ATP5F1D: variants seen among roughly 807,000 people sequenced by gnomAD.
ATP5F1D encodes ATP synthase F1 subunit delta.
Under a neutral mutation model 13.0 loss-of-function variants are expected in ATP5F1D, and 16 were observed. The ratio of observed to expected loss-of-function variants is 1.23; its 90% CI spans 0.83 to 1.87. ATP5F1D has a LOEUF of 1.87. ATP5F1D is among the 40% of genes most tolerant of loss of function. The pLI, the probability that ATP5F1D is intolerant of heterozygous loss-of-function variation, is 0.00. For synonymous variants in ATP5F1D, 129 were observed against 116.2 expected (o/e 1.11, Z -0.71); for missense variants, 294 against 246.2 (o/e 1.19, Z -1.30).
intron 1 of ATP5F1D, 77 bp downstream of exon 1, chr19:1,242,068 C>A: frequency 7.8e-7 from 1 of 1,283,650 alleles, no homozygotes; most frequent in East Asian, 3.0e-5. Context: ...GGGCGCGACC[C>A]CCGCTTCCGG....
Position 1,244,656 on chromosome 19 carries a change from C to A in ATP5F1D, c.*219C>A. The stretch of plus-strand genomic sequence containing the variant: ...GCTCCTCCTCAGCTTTGAGCTGTGG[C>A]TGCCACCCATGGGGCTCTCCTTCCG... On this transcript the variant is annotated 3_prime_UTR_variant, in exon 4 of 4. Coordinates refer to ENST00000215375, the MANE Select transcript of ATP5F1D (RefSeq NM_001687.5). The A allele has an allele frequency of 1.4e-6, 1 of 689,750 alleles. No individual in the cohort carries two copies. The highest frequency in any genetic ancestry group is 2.3e-6 in the Non-Finnish European group (1 of 429,574). The allele number at this position is 689,750 out of a possible 1,614,324, so 42.7% of individuals were successfully genotyped here. A position where few individuals can be genotyped will look rare whatever the true frequency, so the allele number is the denominator to read the frequency against.
intron 2 of ATP5F1D, 120 bp from the exon 3 acceptor site, chr19:1,243,970 TCAGGACA>T (rs1415374297): frequency 5.1e-6 from 5 of 985,616 alleles, no homozygotes; most frequent in African/African-American, 1.6e-5. Context: ...GTTTGCACAC[TCAGGACA>T]CAGACTTGGA....
Position 1,242,452 on chromosome 19 carries a change from G to T in ATP5F1D, c.142-4G>T. On this transcript the variant is annotated splice_region_variant and splice_polypyrimidine_tract_variant and intron_variant, in intron 1 of 3. Transcript: ENST00000215375. ...GCCATCATTCCCCACGCTGTTGTCT[G>T]CAGGTGTTCTTCAACGGTGCCAACG... 3 of 1,519,848 alleles carry T rather than the reference G, an allele frequency of 2.0e-6. No homozygotes were observed. Among genetic ancestry groups the T allele is most frequent in the Non-Finnish European group, 1.8e-6 (2 of 1,127,924 alleles). 94.1% of individuals were successfully genotyped at this position (1,519,848 alleles called of 1,614,324 possible).
chr19:1,244,305 C>T lies in ATP5F1D; in HGVS notation c.385-10C>T. 1 of 1,591,994 alleles carries T rather than the reference C, an allele frequency of 6.3e-7. No individual in the cohort carries two copies. Among genetic ancestry groups the T allele is most frequent in the Non-Finnish European group, 8.5e-7 (1 of 1,169,794 alleles). On this transcript the variant is annotated splice_polypyrimidine_tract_variant and intron_variant, in intron 3 of 3. Transcript: ENST00000215375. ...CTGCTGGCCCCTCACCGCCCCTCAA[C>T]CCCTTGCAGGCAGCCAAGGCAAACT...
At position 1,244,707 on chromosome 19, in the gene ATP5F1D, G is replaced by T; in HGVS notation, c.*270G>T. 2 of 486,902 alleles carry T rather than the reference G, an allele frequency of 4.1e-6. No homozygotes were observed. Among genetic ancestry groups the T allele is most frequent in the Middle Eastern group, 5.8e-4 (1 of 1,712 alleles). 30.2% of individuals were successfully genotyped at this position (486,902 alleles called of 1,614,324 possible). A position where few individuals can be genotyped will look rare whatever the true frequency, so the allele number is the denominator to read the frequency against. On this transcript the variant is annotated 3_prime_UTR_variant, in exon 4 of 4. Transcript: ENST00000215375. ...CCTCTCAAGATCCCCCCAGCCTGAC[G>T]GGCCGCTTACCATCCCCTCTGCCCT...
In ATP5F1D at chr19:1,244,766, G is replaced by A. The variant is rs1292156877; in HGVS notation, c.*329G>A. The A allele has an allele frequency of 2.0e-5, 6 of 293,310 alleles. No homozygotes were observed. Among genetic ancestry groups the A allele is most frequent in the South Asian group, 4.8e-5 (1 of 20,906 alleles). The allele number at this position is 293,310 out of a possible 1,614,324, so 18.2% of individuals were successfully genotyped here. A position where few individuals can be genotyped will look rare whatever the true frequency, so the allele number is the denominator to read the frequency against. ...AGCCGCCAAGGTTGACCTCAGCTTC[G>A]GAGCCACCTCTGGATGAACTGCCCC... is the stretch of plus-strand genomic sequence containing the variant. On this transcript the variant is annotated 3_prime_UTR_variant, in exon 4 of 4. Transcript: ENST00000215375.
In ATP5F1D at chr19:1,244,327, A is replaced by G. The variant is rs1207515596; in HGVS notation, c.397A>G (p.Asn133Asp). The G allele has an allele frequency of 6.3e-7, 1 of 1,593,652 alleles. No individual in the cohort carries two copies. The highest frequency in any genetic ancestry group is 8.5e-7 in the Non-Finnish European group (1 of 1,170,642). The change falls in exon 4 of 4, where the codon AAC becomes GAC. Residue 133 changes from asparagine (N) to aspartate (D), a missense_variant. Asn to Asp is a conservative substitution (Grantham distance 23, BLOSUM62 1). Transcript: ENST00000215375. ...CAACCCCTTGCAGGCAGCCAAGGCA[A>G]ACTTGGAGAAGGCCCAGGCGGAGCT... ...DMLDLGAAKANLEKAQAELVG... is the reference protein window; with the variant it reads ...DMLDLGAAKADLEKAQAELVG...
rs1043869160 is a variant in ATP5F1D, at chr19:1,241,934, C to T, written c.84C>T (p.Ala28=). The part of the protein sequence containing the change: ...HARAYAEAAA[A]PAAASGPNQM... ...GTGCCTATGCCGAGGCCGCCGCCGCCCCGGCTGCCGCCTCTGGCCCCAACC... is the reference window on the plus strand; with the variant it reads ...GTGCCTATGCCGAGGCCGCCGCCGCTCCGGCTGCCGCCTCTGGCCCCAACC... The change falls in exon 1 of 4, where the codon GCC becomes GCT. Residue 28 remains alanine, a synonymous_variant. Coordinates refer to ENST00000215375, the MANE Select transcript of ATP5F1D (RefSeq NM_001687.5). 2.7e-6 allele frequency: 4 copies of T among 1,497,690 alleles called. No homozygotes were observed. The highest frequency in any genetic ancestry group is 3.6e-6 in the Non-Finnish European group (4 of 1,126,256). The allele number at this position is 1,497,690 out of a possible 1,614,324, so 92.8% of individuals were successfully genotyped here. A position where few individuals can be genotyped will look rare whatever the true frequency, so the allele number is the denominator to read the frequency against.
intron 1 of ATP5F1D, 130 bp downstream of exon 1, chr19:1,242,121 C>T (rs1599959752): frequency 8.5e-7 from 1 of 1,177,296 alleles, no homozygotes; most frequent in East Asian, 3.2e-5. Context: ...CTACTCAGCC[C>T]TGGACCCTCG....
At chr19:1,242,315 G>C (rs1371602692) in intron 1 of ATP5F1D, 141 bp from the exon 2 acceptor site, 21 of 1,083,290 alleles carry the variant, frequency 1.9e-5, no homozygotes, top group Non-Finnish European at 2.6e-5. Flanking sequence ...CTGCAACTTC[G>C]GATCCCTGCG....
chr19:1,242,270 T>G, intron 1 of ATP5F1D, 186 bp from the exon 2 acceptor site: 1 of 810,132 alleles, frequency 1.2e-6, no homozygotes, highest in Non-Finnish European at 1.7e-6. Context: ...ATTTCGCGGA[T>G]CAGTAGAATG....
At position 1,244,149 on chromosome 19, in the gene ATP5F1D, C is replaced by T. The variant is rs200973446; in HGVS notation, c.348C>T (p.Ala116=). 4.5e-5 allele frequency: 73 copies of T among 1,612,332 alleles called. No individual in the cohort carries two copies. The highest frequency in any genetic ancestry group is 2.9e-4 in the East Asian group (13 of 44,818). Residue 116 remains alanine (A), a synonymous_variant, in exon 3 of 4, where the codon GCC becomes GCT. Coordinates refer to ENST00000215375, the MANE Select transcript of ATP5F1D (RefSeq NM_001687.5). Reference sequence around the variant, plus strand: ...CCGACTCTTCGGTGCAGTTGTTGGCCGAAGAGGCCGTGACGCTGGACATGT... The same window carrying T: ...CCGACTCTTCGGTGCAGTTGTTGGCTGAAGAGGCCGTGACGCTGGACATGT... ...VNADSSVQLL[A]EEAVTLDMLD...
chr19:1,243,256 G>A (rs1220087514), intron 2 of ATP5F1D: 1 of 152,384 alleles, frequency 6.6e-6, no homozygotes, highest in Non-Finnish European at 1.5e-5. Flanking sequence ...AGTGGTTCAT[G>A]CCTGTAATCT....
intron 2 of ATP5F1D, 82 bp from the exon 3 acceptor site, chr19:1,244,015 G>T: frequency 7.3e-7 from 1 of 1,361,460 alleles, no homozygotes; most frequent in Non-Finnish European, 1.0e-6. Context: ...GTTCACAGGG[G>T]GCTCTGGACT....
intron 1 of ATP5F1D, 45 bp from the exon 2 acceptor site, chr19:1,242,410 CG>C: frequency 6.9e-7 from 1 of 1,457,542 alleles, no homozygotes; most frequent in South Asian, 1.4e-5. Flanking sequence ...CCGGTGGGCG[CG>C]GGGCCGGCCT....
chr19:1,242,230 G>T, intron 1 of ATP5F1D: 1 of 768,488 alleles, frequency 1.3e-6, no homozygotes, highest in Non-Finnish European at 1.8e-6. Context: ...CCTGGCCAAA[G>T]CCTGGGTGTC....
chr19:1,244,396 C>A lies in ATP5F1D; in HGVS notation c.466C>A (p.Arg156=), dbSNP rs769336953. 3.8e-6 allele frequency: 6 copies of A among 1,568,856 alleles called. No homozygotes were observed. In the Admixed American group the frequency reaches 5.7e-5, roughly 15 times the overall value. Residue 156 remains arginine (R), a synonymous_variant, in exon 4 of 4, where the codon CGA becomes AGA. Coordinates refer to ENST00000215375, the MANE Select transcript of ATP5F1D (RefSeq NM_001687.5). ...GGCCACGCGGGCAGAGATCCAGATC[C>A]GAATCGAGGCCAACGAGGCCCTGGT... is the stretch of plus-strand genomic sequence containing the variant. The part of the protein sequence containing the change: ...DEATRAEIQI[R]IEANEALVKA...
chr19:1,244,251 C>T, intron 3 of ATP5F1D, 64 bp from the exon 4 acceptor site: 1 of 1,581,522 alleles, frequency 6.3e-7, no homozygotes, highest in Non-Finnish European at 8.6e-7. Flanking sequence ...GGAGGGAGCG[C>T]TGGGGGACCA....
chr19:1,242,919 G>A (rs950759568), intron 2 of ATP5F1D: 12 of 195,834 alleles, frequency 6.1e-5, no homozygotes, highest in Non-Finnish European at 9.4e-5. Context: ...GAGGTCAGGA[G>A]ATCGAGACCA....
Sources: allele counts gnomAD v4.1 joint callset, GRCh38; gene constraint gnomAD v4.1.1; transcripts MANE v1.5; gene names NCBI Gene and HGNC (gene_info 2026-07-23, HGNC 2026-07-21).